The following SLC19A3 variants were observed in gnomAD, a reference collection of about 807,000 sequenced individuals.
The protein encoded by SLC19A3 is solute carrier family 19 member 3, also known as thiamine transporter 2.
In SLC19A3, 31 loss-of-function variants were observed where a neutral mutation model predicts 40.2. That is an observed-to-expected ratio of 0.77 (90% CI 0.58 to 1.04). The LOEUF is 1.04. SLC19A3 is among the 50% of genes least tolerant of loss of function. SLC19A3 has a pLI of 0.00. For missense variants in SLC19A3, 592 were observed against 596.7 expected (o/e 0.99, Z 0.08); for synonymous variants, 212 against 227.5 (o/e 0.93, Z 0.61).
At chr2:227,708,538 A>G (rs1004313410) in intron 1 of SLC19A3, among the ~76,000 whole-genome samples, 2 of 151,132 alleles carry the variant, frequency 1.3e-5, no homozygotes, top group Middle Eastern at 3.2e-3. Flanking sequence ...GAGCCTGGCA[A>G]CATAGTGAGA....
chr2:227,705,237 C>T (rs952836396), intron 1 of SLC19A3, among the ~76,000 whole-genome samples: 1 of 151,996 alleles, frequency 6.6e-6, no homozygotes, highest in African/African-American at 2.4e-5. Flanking sequence ...TTTGGGTCAG[C>T]AATATATAAA....
intron 1 of SLC19A3, among the ~76,000 whole-genome samples, chr2:227,705,965 T>A (rs1256227324): frequency 6.6e-6 from 1 of 151,948 alleles, no homozygotes; most frequent in Non-Finnish European, 1.5e-5. Flanking sequence ...AGAGGATGAC[T>A]TTAGCCCAGG....
intron 1 of SLC19A3, among the ~76,000 whole-genome samples, chr2:227,710,472 G>A (rs149992846): frequency 0.02 from 3,020 of 152,224 alleles, 99 homozygotes; most frequent in African/African-American, 0.069. Context: ...GAGACGGGTG[G>A]ATCACCTGAA....
intron 1 of SLC19A3, among the ~76,000 whole-genome samples, chr2:227,713,763 G>GA (rs566405446): frequency 7.0e-6 from 1 of 142,906 alleles, no homozygotes; most frequent in Non-Finnish European, 1.5e-5. Context: ...AACAGATTAA[G>GA]AAAAAAAAGA....
At chr2:227,712,914 G>A (rs1696191002) in intron 1 of SLC19A3, among the ~76,000 whole-genome samples, 1 of 152,174 alleles carries the variant, frequency 6.6e-6, no homozygotes, top group African/African-American at 2.4e-5. Flanking sequence ...GTGGGAGGTA[G>A]GGAAGAGAGT....
intron 4 of SLC19A3, among the ~76,000 whole-genome samples, chr2:227,690,755 T>C (rs934256549): frequency 2.1e-5 from 3 of 145,826 alleles, no homozygotes; most frequent in Non-Finnish European, 3.0e-5. Context: ...TTTTAACGTA[T>C]GGAGCACCCA....
At chr2:227,701,127 G>A (rs1289750504) in intron 2 of SLC19A3, 1 of 1,272,630 alleles carries the variant, frequency 7.9e-7, no homozygotes, top group African/African-American at 1.5e-5. Context: ...CTCGGAAACA[G>A]GGTTGTCCCT....
At chr2:227,711,501 GT>G (rs1401452337) in intron 1 of SLC19A3, among the ~76,000 whole-genome samples, 2 of 151,846 alleles carry the variant, frequency 1.3e-5, no homozygotes, top group African/African-American at 4.8e-5. Flanking sequence ...CTTCTAGGGA[GT>G]TATTGTATTC....
intron 1 of SLC19A3, among the ~76,000 whole-genome samples, chr2:227,708,976 C>T (rs892445820): frequency 9.9e-5 from 15 of 152,254 alleles, no homozygotes; most frequent in Admixed American, 8.5e-4. Flanking sequence ...ACAATGTTCA[C>T]GTATTGTTCA....
intron 1 of SLC19A3, among the ~76,000 whole-genome samples, chr2:227,704,728 C>T (rs1574569822): frequency 1.3e-5 from 2 of 152,098 alleles, no homozygotes; most frequent in South Asian, 2.1e-4. Context: ...ATCAAGGTGT[C>T]GGTGAGCTGT....
At chr2:227,690,797 A>G (rs1459178543) in intron 4 of SLC19A3, among the ~76,000 whole-genome samples, 1 of 151,304 alleles carries the variant, frequency 6.6e-6, no homozygotes, top group Non-Finnish European at 1.5e-5. Flanking sequence ...CTAGAAGGAG[A>G]TAAGAGAATC....
intron 1 of SLC19A3, among the ~76,000 whole-genome samples, chr2:227,705,682 A>C (rs566797495): frequency 6.6e-6 from 1 of 152,266 alleles, no homozygotes; most frequent in South Asian, 2.1e-4. Context: ...ACGCATGGAC[A>C]CATGGGGCGA....
rs1188348062 is a variant in SLC19A3 at position 227,684,671 on chromosome 2, A to T, written c.*2726T>A. The T allele has an allele frequency of 6.6e-6, 1 of 152,092 alleles. No individual in the cohort carries two copies. Among genetic ancestry groups the T allele is most frequent in the Non-Finnish European group, 1.5e-5 (1 of 68,052 alleles). 9.4% of individuals were successfully genotyped at this position (152,092 alleles called of 1,614,324 possible). On this transcript the variant is annotated 3_prime_UTR_variant, in exon 6 of 6. Transcript: ENST00000644224. ...TAATTGTGATGCCTAATGCCTCCAG[A>T]ATAATAAGTTAAAAAAGAAGGATAA...
At chr2:227,711,265 A>G (rs1317122120) in intron 1 of SLC19A3, among the ~76,000 whole-genome samples, 1 of 151,900 alleles carries the variant, frequency 6.6e-6, no homozygotes, top group Non-Finnish European at 1.5e-5. Flanking sequence ...TACAAATACA[A>G]AAGAATTAGC....
In SLC19A3 at chr2:227,703,743, G is replaced by A. The variant is rs891365806; in HGVS notation, c.-2-1423C>T. 6.6e-6 allele frequency among the ~76,000 whole-genome samples: 1 copy of A among 152,150 alleles called. No homozygotes were observed. Among genetic ancestry groups the A allele is most frequent in the Non-Finnish European group, 1.5e-5 (1 of 68,034 alleles). On this transcript the variant is annotated intron_variant, in intron 1 of 5. Coordinates refer to ENST00000644224, the MANE Select transcript of SLC19A3 (RefSeq NM_025243.4). The surrounding 1 kb of genome is among the most constrained non-coding windows in gnomAD (Gnocchi z 4.7). ...GATCACTGAGGCTTGGTCATCTTCT[G>A]AAGAGTGGTCTTGCTGGGGTAGCAT...
At position 227,686,418 on chromosome 2, in the gene SLC19A3, A is replaced by G. The variant is rs1024535567; in HGVS notation, c.*979T>C. ...ACTGTAGCCTCTGACTCCTGTGCTC[A>G]ACCCATCCTCCCACCATGGCCTCCC... On this transcript the variant is annotated 3_prime_UTR_variant, in exon 6 of 6. Transcript: ENST00000644224. The G allele has an allele frequency of 6.1e-6, 1 of 163,332 alleles. No homozygotes were observed. Among genetic ancestry groups the G allele is most frequent in the African/African-American group, 2.4e-5 (1 of 41,564 alleles). The allele number at this position is 163,332 out of a possible 1,614,324, so 10.1% of individuals were successfully genotyped here.
chr2:227,717,873 G>A, intron 1 of SLC19A3, 70 bp downstream of exon 1: 1 of 977,758 alleles, frequency 1.0e-6, no homozygotes, highest in Non-Finnish European at 1.2e-6. Flanking sequence ...CGGGAAGAGA[G>A]AGGCGACACT....
At chr2:227,710,424 G>C (rs938845324) in intron 1 of SLC19A3, among the ~76,000 whole-genome samples, 1 of 152,142 alleles carries the variant, frequency 6.6e-6, no homozygotes, top group Admixed American at 6.5e-5. Context: ...GGCTGGGTGC[G>C]GTGGCTTACA....
At chr2:227,717,799 T>C in intron 1 of SLC19A3, 144 bp downstream of exon 1, 1 of 591,830 alleles carries the variant, frequency 1.7e-6, no homozygotes, top group Non-Finnish European at 2.1e-6. Flanking sequence ...GGAGAGCTCC[T>C]CACGCGGCTC....
Sources: gnomAD v4.1 joint callset for allele counts (sites outside exome capture counted in the v4.1 genomes callset) on GRCh38, gnomAD v4.1.1 for gene constraint, Gnocchi (gnomAD v3.1) non-coding constraint, MANE v1.5 for transcripts, NCBI Gene and HGNC (gene_info 2026-07-23, HGNC 2026-07-21) for gene names.